The following CDK11B variants were observed in gnomAD, a reference collection of about 807,000 sequenced individuals.
CDK11B encodes cyclin-dependent kinase 11B.
A neutral mutation model predicts 84.0 loss-of-function variants in CDK11B; 37 were observed. That is an observed-to-expected ratio of 0.44 (90% CI 0.34 to 0.58). The LOEUF is 0.58. Ranked by LOEUF, CDK11B falls within the 20% of genes least tolerant of loss-of-function variation. CDK11B has a pLI of 0.02. For synonymous variants in CDK11B, 269 were observed against 309.8 expected, an observed-to-expected ratio of 0.87 and a Z score of 1.38; for missense variants, 427 against 834.0, an observed-to-expected ratio of 0.51 and a Z score of 6.01.
intron 2 of CDK11B, among the ~76,000 whole-genome samples, chr1:1,655,687 G>A (rs766529523): frequency 6.6e-6 from 1 of 151,990 alleles, no homozygotes; most frequent in Non-Finnish European, 1.5e-5. Context: ...ACTTTGGGAG[G>A]CCCAGGCAGG....
chr1:1,658,405 C>T (rs1468455122), intron 1 of CDK11B, among the ~76,000 whole-genome samples: 2 of 149,850 alleles, frequency 1.3e-5, no homozygotes, highest in African/African-American at 4.9e-5. Context: ...TCTTGGGTAA[C>T]GTAATTCACC....
intron 1 of CDK11B, among the ~76,000 whole-genome samples, chr1:1,657,882 A>G (rs1642967329): frequency 7.4e-6 from 1 of 135,098 alleles, no homozygotes; most frequent in East Asian, 2.1e-4. Context: ...TCCAGCCTAG[A>G]TAACAAAGTA....
intron 10 of CDK11B, 101 bp downstream of exon 10, chr1:1,640,947 C>G: frequency 6.4e-7 from 1 of 1,566,620 alleles, no homozygotes. Context: ...CCTCCCAGAC[C>G]CTGGCGTGCC....
rs1217123515 is a variant in CDK11B at position 1,650,119 on chromosome 1, A to C, written c.356-482T>G. 8.0e-5 allele frequency among the ~76,000 whole-genome samples: 12 copies of C among 150,224 alleles called. 1 individual carries two copies. Among genetic ancestry groups the C allele is most frequent in the Non-Finnish European group, 4.4e-5 (3 of 67,618 alleles). ...CCCCATCTCTACTAAAAATACAAAA[A>C]ATTAGCTGGGTGTGGTGGCGGGCAC... On this transcript the variant is annotated intron_variant, in intron 4 of 19. Coordinates refer to ENST00000341832, the MANE Select transcript of CDK11B (RefSeq NM_033486.3).
chr1:1,654,889 A>C (rs1412594721), intron 3 of CDK11B, among the ~76,000 whole-genome samples: 1 of 144,530 alleles, frequency 6.9e-6, no homozygotes, highest in Non-Finnish European at 1.5e-5. Context: ...TGATCTTCTG[A>C]CCTTGTGATC....
At chr1:1,649,848 A>ACG (rs1641662205) in intron 4 of CDK11B, among the ~76,000 whole-genome samples, 3 of 150,276 alleles carry the variant, frequency 2.0e-5, no homozygotes, top group Admixed American at 1.3e-4. Flanking sequence ...GGTGGCAGGC[A>ACG]CCTGTAATCC....
intron 4 of CDK11B, among the ~76,000 whole-genome samples, chr1:1,650,062 A>AG (rs1641733603): frequency 4.6e-5 from 7 of 150,840 alleles, no homozygotes; most frequent in East Asian, 2.0e-4. Flanking sequence ...TCACAAGGTC[A>AG]GATCGGGACC....
chr1:1,637,379 G>A (rs61774910), intron 14 of CDK11B, 29 bp downstream of exon 14: 36 of 1,607,276 alleles, frequency 2.2e-5, no homozygotes, highest in African/African-American at 1.1e-4. Context: ...CCACTTGTAC[G>A]CAGACAGGCC....
chr1:1,645,060 G>C, intron 6 of CDK11B, 66 bp downstream of exon 6: 1 of 713,972 alleles, frequency 1.4e-6, no homozygotes, highest in Non-Finnish European at 2.3e-6. Context: ...GTGACAGCAA[G>C]TGCCCAGCAC....
At chr1:1,657,970 C>T (rs1642995747) in intron 1 of CDK11B, among the ~76,000 whole-genome samples, 1 of 146,582 alleles carries the variant, frequency 6.8e-6, no homozygotes, top group South Asian at 2.1e-4. Flanking sequence ...GTCAGGAGGT[C>T]AAGACCAGCC....
At chr1:1,656,363 T>G (rs1004185338) in intron 2 of CDK11B, among the ~76,000 whole-genome samples, 1 of 152,042 alleles carries the variant, frequency 6.6e-6, no homozygotes, top group African/African-American at 2.4e-5. Flanking sequence ...TGCTGGCAGG[T>G]GCCTGTAGTC....
chr1:1,636,824 G>C, intron 16 of CDK11B, 26 bp from the exon 17 acceptor site: 1 of 1,613,738 alleles, frequency 6.2e-7, no homozygotes, highest in Non-Finnish European at 8.5e-7. Context: ...AGGTGTTCAG[G>C]AGGGCCAGTG....
At chr1:1,656,366 C>T (rs1016026449) in intron 2 of CDK11B, among the ~76,000 whole-genome samples, 41 of 152,128 alleles carry the variant, frequency 2.7e-4, no homozygotes, top group African/African-American at 8.7e-4. Flanking sequence ...TGGCAGGTGC[C>T]TGTAGTCCCA....
chr1:1,652,585 G>T lies in CDK11B; in HGVS notation c.228-19C>A, dbSNP rs1642150393. The T allele has an allele frequency of 7.1e-7, 1 of 1,412,544 alleles. No individual in the cohort carries two copies. The highest frequency in any genetic ancestry group is 9.2e-7 in the Non-Finnish European group (1 of 1,082,436). 87.5% of individuals were successfully genotyped at this position (1,412,544 alleles called of 1,614,324 possible). A position where few individuals can be genotyped will look rare whatever the true frequency, so the allele number is the denominator to read the frequency against. On this transcript the variant is annotated intron_variant, in intron 3 of 19. Coordinates refer to ENST00000341832, the MANE Select transcript of CDK11B (RefSeq NM_033486.3). ...TTCTCCTCTGAAATAAAACACAACAGCACTGCATCATGCTTGAGAAAGTGC... is the reference window on the plus strand; with the variant it reads ...TTCTCCTCTGAAATAAAACACAACATCACTGCATCATGCTTGAGAAAGTGC...
intron 5 of CDK11B, chr1:1,646,466 T>C (rs761938458): frequency 3.8e-6 from 2 of 519,884 alleles, no homozygotes; most frequent in Admixed American, 3.9e-5. Context: ...TTATTCCCTG[T>C]CTTCTTTGTG....
intron 3 of CDK11B, among the ~76,000 whole-genome samples, chr1:1,654,779 C>T (rs1209090298): frequency 1.3e-5 from 2 of 151,946 alleles, no homozygotes; most frequent in Non-Finnish European, 2.9e-5. Context: ...TTGCCTCAGC[C>T]TCCCGAGTAG....
At chr1:1,639,161 G>C (rs1325562916) in intron 11 of CDK11B, among the ~76,000 whole-genome samples, 2 of 151,532 alleles carry the variant, frequency 1.3e-5, no homozygotes, top group Non-Finnish European at 2.9e-5. Context: ...GGCTGGTCTC[G>C]AACTCCTGAC....
intron 4 of CDK11B, among the ~76,000 whole-genome samples, chr1:1,650,619 C>A (rs1641877925): frequency 6.7e-6 from 1 of 150,178 alleles, no homozygotes; most frequent in South Asian, 2.1e-4. Context: ...CCGGCCTCGG[C>A]CTCCCAAAGT....
intron 12 of CDK11B, 46 bp from the exon 13 acceptor site, chr1:1,637,929 C>T (rs772551932): frequency 2.4e-5 from 39 of 1,611,134 alleles, no homozygotes; most frequent in East Asian, 6.7e-5. Context: ...CTCAAAGTCA[C>T]GGTACCAACA....
Sources: allele counts gnomAD v4.1 joint callset (sites outside exome capture counted in the v4.1 genomes callset), GRCh38; gene constraint gnomAD v4.1.1; transcripts MANE v1.5; gene names NCBI Gene and HGNC (gene_info 2026-07-23, HGNC 2026-07-21).